VPS13B: variants seen among roughly 807,000 people sequenced by gnomAD.
The protein encoded by VPS13B is vacuolar protein sorting 13 homolog B.
In VPS13B, 285 loss-of-function variants were observed where a neutral mutation model predicts 426.4. That is an observed-to-expected ratio of 0.67 (90% CI 0.61 to 0.74). The LOEUF (loss-of-function observed/expected upper bound fraction) is 0.74, where lower values mean the gene tolerates loss of function less well. Among genes scored for constraint, VPS13B ranks in the 30% least tolerant of loss-of-function variants. The probability of loss-of-function intolerance (pLI) is 0.00; values close to 1 mark genes in which losing one functional copy is unlikely to be tolerated. For missense variants in VPS13B, 4,537 were observed against 4,782.6 expected (o/e 0.95, Z 1.51); for synonymous variants, 1,676 against 1,676.4 (o/e 1.00, Z 0.01).
At position 99,854,208 on chromosome 8, in the gene VPS13B, G is replaced by A. The variant is rs764432900; in HGVS notation, c.10819G>A (p.Val3607Met). 1 of 1,614,096 alleles carries A rather than the reference G, an allele frequency of 6.2e-7. No homozygotes were observed. The highest frequency in any genetic ancestry group is 1.1e-5 in the South Asian group (1 of 91,074). ...CATCTTCACCACTGCGAGGCAGCTT[G>A]TGCACGCCCTGGCAATGCACTATGC... Reference protein sequence around the residue: ...GPIFTTARQLVHALAMHYAAG... With the variant: ...GPIFTTARQLMHALAMHYAAG... Residue 3607 changes from valine (V) to methionine (M), a missense_variant, in exon 56 of 62, where the codon GTG (valine) becomes ATG (methionine). Around this residue, in one of 2 missense-constraint regions of VPS13B, gnomAD observed 4,311 missense variants for 4,474.3 expected, o/e 0.96. Coordinates refer to ENST00000357162, the MANE Select transcript of VPS13B (RefSeq NM_152564.5).
At chr8:99,573,305 T>G (rs1825587081) in intron 31 of VPS13B, among the ~76,000 whole-genome samples, 1 of 152,230 alleles carries the variant, frequency 6.6e-6, no homozygotes, top group Admixed American at 6.5e-5. Context: ...TTAGTTTAAT[T>G]AGATCCCATT....
At chr8:99,284,402 A>G (rs993393343) in intron 19 of VPS13B, among the ~76,000 whole-genome samples, 6 of 152,196 alleles carry the variant, frequency 3.9e-5, no homozygotes, top group Non-Finnish European at 7.3e-5. Flanking sequence ...CGATGCATCA[A>G]AGTCTCTACA....
At chr8:99,108,471 G>T (rs1431500249) in intron 5 of VPS13B, among the ~76,000 whole-genome samples, 3 of 152,036 alleles carry the variant, frequency 2.0e-5, no homozygotes, top group Non-Finnish European at 4.4e-5. Flanking sequence ...AGAGATAAGG[G>T]TCTAGGTTTG....
Position 99,102,962 on chromosome 8 carries a change from A to G in VPS13B, c.422A>G (p.Gln141Arg). The G allele has an allele frequency of 6.2e-7, 1 of 1,605,252 alleles. No individual in the cohort carries two copies. Among genetic ancestry groups the G allele is most frequent in the East Asian group, 2.2e-5 (1 of 44,732 alleles). ...TTTTTCTATTTTATAGGTTATGTGC[A>G]GAGTCTGATTAGACGAGTTGTAAAT... is the stretch of plus-strand genomic sequence containing the variant. Reference protein sequence around the residue: ...TDPDLPPGYVQSLIRRVVNNV... With the variant: ...TDPDLPPGYVRSLIRRVVNNV... Residue 141 changes from glutamine to arginine, a missense_variant, in exon 5 of 62, where the codon CAG becomes CGG. Gln to Arg is a conservative substitution (Grantham distance 43, BLOSUM62 1). Coordinates refer to ENST00000357162, the MANE Select transcript of VPS13B (RefSeq NM_152564.5).
intron 33 of VPS13B, among the ~76,000 whole-genome samples, chr8:99,585,270 A>G (rs1826248454): frequency 6.6e-6 from 1 of 152,210 alleles, no homozygotes; most frequent in Admixed American, 6.5e-5. Flanking sequence ...TTGGGAACCA[A>G]AGTTTATAGA....
intron 39 of VPS13B, among the ~76,000 whole-genome samples, chr8:99,754,354 ATTTGT>A (rs1275963569): frequency 2.0e-5 from 3 of 152,098 alleles, no homozygotes; most frequent in African/African-American, 7.2e-5. Flanking sequence ...CTCAATTTGC[ATTTGT>A]TTTGAGTGAT....
At chr8:99,110,980 C>T in intron 5 of VPS13B, 118 bp from the exon 6 acceptor site, 1 of 746,880 alleles carries the variant, frequency 1.3e-6, no homozygotes, top group Non-Finnish European at 2.0e-6. Context: ...GTATTAAATG[C>T]TCCATGAATC....
intron 51 of VPS13B, among the ~76,000 whole-genome samples, chr8:99,828,415 T>G (rs1374667185): frequency 2.8e-4 from 33 of 117,572 alleles, no homozygotes; most frequent in Admixed American, 1.3e-3. Flanking sequence ...TTTTTTTTTT[T>G]TTTTTTTTTT....
intron 36 of VPS13B, among the ~76,000 whole-genome samples, chr8:99,703,850 C>T (rs1259450567): frequency 6.6e-6 from 1 of 152,028 alleles, no homozygotes; most frequent in Non-Finnish European, 1.5e-5. Context: ...TTTCGACAAA[C>T]GAGCACACAG....
chr8:99,385,521 T>C (rs776893776), intron 20 of VPS13B, among the ~76,000 whole-genome samples: 1 of 152,216 alleles, frequency 6.6e-6, no homozygotes, highest in Non-Finnish European at 1.5e-5. Context: ...GCCATACCTG[T>C]CCCCATTTTT....
intron 43 of VPS13B, 130 bp downstream of exon 43, chr8:99,784,606 AC>A: frequency 8.0e-7 from 1 of 1,244,088 alleles, no homozygotes; most frequent in South Asian, 1.2e-5. Context: ...GCTACATCTG[AC>A]GGAAACCCAA....
intron 30 of VPS13B, among the ~76,000 whole-genome samples, chr8:99,539,117 T>C (rs1475364532): frequency 1.3e-5 from 2 of 152,168 alleles, no homozygotes; most frequent in Non-Finnish European, 2.9e-5. Flanking sequence ...ATATTAATAT[T>C]TAAGATCTAA....
chr8:99,038,372 TAA>T, intron 2 of VPS13B, 49 bp from the exon 3 acceptor site: 1 of 1,419,460 alleles, frequency 7.0e-7, no homozygotes, highest in South Asian at 1.4e-5. Context: ...CATATTATAA[TAA>T]AAAATATTAA....
chr8:99,753,938 A>G (rs1810515797), intron 39 of VPS13B, among the ~76,000 whole-genome samples: 1 of 152,212 alleles, frequency 6.6e-6, no homozygotes, highest in African/African-American at 2.4e-5. Context: ...ACAGTGTATT[A>G]CAACTGTATG....
intron 14 of VPS13B, among the ~76,000 whole-genome samples, chr8:99,149,556 G>A (rs1185131366): frequency 6.6e-6 from 1 of 151,336 alleles, no homozygotes; most frequent in Non-Finnish European, 1.5e-5. Flanking sequence ...GACCTCAGGT[G>A]ATCCACCTGC....
intron 30 of VPS13B, among the ~76,000 whole-genome samples, chr8:99,540,184 A>G (rs1823538070): frequency 7.1e-6 from 1 of 140,410 alleles, no homozygotes; most frequent in Non-Finnish European, 1.5e-5. Context: ...GGTTCACACC[A>G]TTCTCCTGCC....
intron 12 of VPS13B, among the ~76,000 whole-genome samples, chr8:99,140,146 C>T (rs1275743578): frequency 1.3e-5 from 2 of 151,896 alleles, no homozygotes; most frequent in Non-Finnish European, 2.9e-5. Context: ...GTGGGCAGAC[C>T]ATGAGGTCAG....
intron 26 of VPS13B, among the ~76,000 whole-genome samples, chr8:99,502,210 C>G (rs1225400087): frequency 6.6e-6 from 1 of 152,120 alleles, no homozygotes; most frequent in Non-Finnish European, 1.5e-5. Context: ...TCTTGAACTC[C>G]TGACCTCAGG....
intron 35 of VPS13B, among the ~76,000 whole-genome samples, chr8:99,694,820 G>C (rs1421941418): frequency 1.3e-5 from 2 of 152,086 alleles, no homozygotes; most frequent in Non-Finnish European, 2.9e-5. Context: ...CTAATATCCA[G>C]AATCTACAAT....
Sources: allele counts gnomAD v4.1 joint callset (sites outside exome capture counted in the v4.1 genomes callset), GRCh38; gene constraint gnomAD v4.1.1; regional missense constraint gnomAD v4.1.1; transcripts MANE v1.5; gene names NCBI Gene and HGNC (gene_info 2026-07-23, HGNC 2026-07-21).